KCNQ1OT1: variants seen among roughly 807,000 people sequenced by gnomAD.
The protein encoded by KCNQ1OT1 is KCNQ1 antisense RNA 2 (non-protein coding).
exon 1 of KCNQ1OT1, chr11:2,680,024 G>A: frequency 2.5e-6 from 1 of 396,420 alleles, no homozygotes; most frequent in South Asian, 1.4e-4. Context: ...CTCCCTAGTA[G>A]CTGGGACTAC....
chr11:2,681,714 C>A, exon 1 of KCNQ1OT1: 1 of 397,790 alleles, frequency 2.5e-6, no homozygotes, highest in Non-Finnish European at 4.4e-6. Context: ...GTGTCTGTTC[C>A]TCTATTCAGT....
Position 2,642,291 on chromosome 11 carries a change from C to T in KCNQ1OT1, n.57704G>A, listed in dbSNP as rs1849592400. On this transcript the variant is annotated non_coding_transcript_exon_variant, in exon 1 of 1. Transcript: ENST00000597346. The surrounding 1 kb of genome is among the most constrained non-coding windows in gnomAD (Gnocchi z 4.3). ...GTGTGTTCTTTTCAATTTCTTTCAT[C>T]AGACTTTTGTAGTTTTCCTTGTTAG... 2.5e-6 allele frequency: 1 copy of T among 398,166 alleles called. No homozygotes were observed. The highest frequency in any genetic ancestry group is 4.4e-6 in the Non-Finnish European group (1 of 225,868). The allele number at this position is 398,166 out of a possible 1,614,324, so 24.7% of individuals were successfully genotyped here.
chr11:2,681,748 A>G, exon 1 of KCNQ1OT1: 1 of 398,194 alleles, frequency 2.5e-6, no homozygotes, highest in Non-Finnish European at 4.4e-6. Context: ...ATCACACACC[A>G]GGGCACTGTG....
exon 1 of KCNQ1OT1, chr11:2,644,810 T>G: frequency 2.5e-6 from 1 of 398,702 alleles, no homozygotes; most frequent in Non-Finnish European, 4.4e-6. Flanking sequence ...TTTTTTCAGC[T>G]GTAAACAGCA....
chr11:2,686,199 C>T (rs1400891017), exon 1 of KCNQ1OT1: 2 of 398,702 alleles, frequency 5.0e-6, no homozygotes, highest in Admixed American at 4.4e-5. Flanking sequence ...CTGCCCAAAA[C>T]CCTGCTCCAA....
chr11:2,682,922 T>C lies in KCNQ1OT1; in HGVS notation n.17073A>G. On this transcript the variant is annotated non_coding_transcript_exon_variant, in exon 1 of 1. Coordinates refer to ENST00000597346, the Ensembl canonical transcript of KCNQ1OT1. This position sits in a 1 kb window ranked among gnomAD's most constrained non-coding sequence, Gnocchi z 5.8. ...CAGAAAATGGTGGCACCTGGAGAGGTGCTCAGGTCTGTGTGGAAGAAAGGA... is the reference window on the plus strand; with the variant it reads ...CAGAAAATGGTGGCACCTGGAGAGGCGCTCAGGTCTGTGTGGAAGAAAGGA... The C allele has an allele frequency of 5.0e-6, 2 of 398,494 alleles. No individual in the cohort carries two copies. Among genetic ancestry groups the C allele is most frequent in the Non-Finnish European group, 8.8e-6 (2 of 226,054 alleles). The allele number at this position is 398,494 out of a possible 1,614,324, so 24.7% of individuals were successfully genotyped here. A position where few individuals can be genotyped will look rare whatever the true frequency, so the allele number is the denominator to read the frequency against.
exon 1 of KCNQ1OT1, chr11:2,629,124 G>T: frequency 2.5e-6 from 1 of 397,892 alleles, no homozygotes. Flanking sequence ...CTATATCTGT[G>T]AAAAAAAGTC....
chr11:2,614,848 T>A, exon 1 of KCNQ1OT1: 1 of 398,522 alleles, frequency 2.5e-6, no homozygotes, highest in East Asian at 3.6e-5. Flanking sequence ...TTTGTTCTTT[T>A]TCAATATGAT....
At position 2,652,075 on chromosome 11, in the gene KCNQ1OT1, A is replaced by C. The variant is rs1300038233; in HGVS notation, n.47920T>G. 1 of 398,536 alleles carries C rather than the reference A, an allele frequency of 2.5e-6. No homozygotes were observed. Among genetic ancestry groups the C allele is most frequent in the African/African-American group, 2.1e-5 (1 of 48,624 alleles). The allele number at this position is 398,536 out of a possible 1,614,324, so 24.7% of individuals were successfully genotyped here. On this transcript the variant is annotated non_coding_transcript_exon_variant, in exon 1 of 1. Transcript: ENST00000597346. This position sits in a 1 kb window ranked among gnomAD's most constrained non-coding sequence, Gnocchi z 5.9. ...TGTCCAGGCTCCAATTTGAGAAGCT[A>C]TGGGGAGCCTCTCGGCCCCAGTTCT...
rs1187969769 is a variant in KCNQ1OT1 at position 2,652,250 on chromosome 11, A to G, written n.47745T>C. ...AATGAGGCCTGCAACTCATTTCCCC[A>G]TTAAACATTCTGAGAACATCTGCAC... On this transcript the variant is annotated non_coding_transcript_exon_variant, in exon 1 of 1. Coordinates refer to ENST00000597346, the Ensembl canonical transcript of KCNQ1OT1. The surrounding 1 kb of genome is among the most constrained non-coding windows in gnomAD (Gnocchi z 5.9). 5.0e-6 allele frequency: 2 copies of G among 398,518 alleles called. No homozygotes were observed. The highest frequency in any genetic ancestry group is 1.3e-4 in the South Asian group (1 of 7,862). 24.7% of individuals were successfully genotyped at this position (398,518 alleles called of 1,614,324 possible). A position where few individuals can be genotyped will look rare whatever the true frequency, so the allele number is the denominator to read the frequency against.
chr11:2,640,195 G>T, exon 1 of KCNQ1OT1: 1 of 391,368 alleles, frequency 2.6e-6, no homozygotes. Context: ...CTCACACTCA[G>T]TGGGCTGCAC....
chr11:2,652,604 C>T lies in KCNQ1OT1; in HGVS notation n.47391G>A, dbSNP rs2133844653. On this transcript the variant is annotated non_coding_transcript_exon_variant, in exon 1 of 1. Transcript: ENST00000597346. The surrounding 1 kb of genome is among the most constrained non-coding windows in gnomAD (Gnocchi z 5.9). Reference sequence around the variant, plus strand: ...GCTGCTCTTGCTGCCTGGAACCTTCCCCTGAAAATGTGTCTTGGGAGACCT... The same window carrying T: ...GCTGCTCTTGCTGCCTGGAACCTTCTCCTGAAAATGTGTCTTGGGAGACCT... 1 of 398,572 alleles carries T rather than the reference C, an allele frequency of 2.5e-6. No homozygotes were observed. The highest frequency in any genetic ancestry group is 4.4e-6 in the Non-Finnish European group (1 of 226,082). 24.7% of individuals were successfully genotyped at this position (398,572 alleles called of 1,614,324 possible).
chr11:2,680,656 C>T (rs1397415328), exon 1 of KCNQ1OT1: 2 of 398,476 alleles, frequency 5.0e-6, no homozygotes, highest in East Asian at 3.6e-5. Flanking sequence ...TTGATAGTCT[C>T]ACTACAGGAC....
At position 2,629,271 on chromosome 11, in the gene KCNQ1OT1, A is replaced by G. The variant is rs76281558; in HGVS notation, n.70724T>C. On this transcript the variant is annotated non_coding_transcript_exon_variant, in exon 1 of 1. Transcript: ENST00000597346. Reference sequence around the variant, plus strand: ...TTTGTATCATCTTAGAATTTGTTCAATGTTTCATAGTTTTCAGTGTCTAGG... The same window carrying G: ...TTTGTATCATCTTAGAATTTGTTCAGTGTTTCATAGTTTTCAGTGTCTAGG... 213 of 398,352 alleles carry G rather than the reference A, an allele frequency of 5.3e-4. 1 individual carries two copies. The East Asian group carries it at 7.2e-3, about 14-fold the overall frequency. 24.7% of individuals were successfully genotyped at this position (398,352 alleles called of 1,614,324 possible). A position where few individuals can be genotyped will look rare whatever the true frequency, so the allele number is the denominator to read the frequency against.
Position 2,699,581 on chromosome 11 carries a change from G to A in KCNQ1OT1, n.414C>T, listed in dbSNP as rs376052942. ...AGGAGAACCATGCTGAGGAGCCCCC[G>A]GGGAGAACAGAACCGCGGCGAGAGG... On this transcript the variant is annotated non_coding_transcript_exon_variant, in exon 1 of 1. Coordinates refer to ENST00000597346, the Ensembl canonical transcript of KCNQ1OT1. 5.7e-4 allele frequency: 138 copies of A among 240,900 alleles called. No individual in the cohort carries two copies. The highest frequency in any genetic ancestry group is 4.5e-3 in the East Asian group (68 of 15,272). 14.9% of individuals were successfully genotyped at this position (240,900 alleles called of 1,614,324 possible).
rs1589982267 is a variant in KCNQ1OT1 at position 2,614,479 on chromosome 11, ACT to A, written n.85514_85515del. Reference sequence around the variant, plus strand: ...TTCCAATCTCAAGTCATAAAGATTTACTCCTGTTTTCTACTAAGAAATTTATG... The same window carrying A: ...TTCCAATCTCAAGTCATAAAGATTTACCTGTTTTCTACTAAGAAATTTATG... On this transcript the variant is annotated non_coding_transcript_exon_variant, in exon 1 of 1. Coordinates refer to ENST00000597346, the Ensembl canonical transcript of KCNQ1OT1. The A allele has an allele frequency of 5.5e-5, 22 of 398,344 alleles. No homozygotes were observed. In the East Asian group the frequency reaches 7.8e-4, roughly 14 times the overall value. 24.7% of individuals were successfully genotyped at this position (398,344 alleles called of 1,614,324 possible).
At chr11:2,656,843 C>CT (rs1316897552) in exon 1 of KCNQ1OT1, 7 of 398,450 alleles carry the variant, frequency 1.8e-5, no homozygotes, top group Non-Finnish European at 3.1e-5. Context: ...TATAGTTATG[C>CT]TTTTCATAGT....
chr11:2,668,636 A>G lies in KCNQ1OT1; in HGVS notation n.31359T>C. Reference sequence around the variant, plus strand: ...TCTTCTGCCTGTTTTATGTTTATTTATGGTCCTATATATCTTTAGATATTC... The same window carrying G: ...TCTTCTGCCTGTTTTATGTTTATTTGTGGTCCTATATATCTTTAGATATTC... On this transcript the variant is annotated non_coding_transcript_exon_variant, in exon 1 of 1. Coordinates refer to ENST00000597346, the Ensembl canonical transcript of KCNQ1OT1. The surrounding 1 kb of genome is among the most constrained non-coding windows in gnomAD (Gnocchi z 4.3). 1 of 398,562 alleles carries G rather than the reference A, an allele frequency of 2.5e-6. No homozygotes were observed. The highest frequency in any genetic ancestry group is 4.4e-6 in the Non-Finnish European group (1 of 226,070). The allele number at this position is 398,562 out of a possible 1,614,324, so 24.7% of individuals were successfully genotyped here. A position where few individuals can be genotyped will look rare whatever the true frequency, so the allele number is the denominator to read the frequency against.
Position 2,671,717 on chromosome 11 carries a change from T to C in KCNQ1OT1, n.28278A>G. The C allele has an allele frequency of 2.5e-6, 1 of 398,688 alleles. No homozygotes were observed. Among genetic ancestry groups the C allele is most frequent in the Non-Finnish European group, 4.4e-6 (1 of 226,132 alleles). 24.7% of individuals were successfully genotyped at this position (398,688 alleles called of 1,614,324 possible). A position where few individuals can be genotyped will look rare whatever the true frequency, so the allele number is the denominator to read the frequency against. ...AGAGGGTACTTGGGAAGTAGGGTGG[T>C]AGGCAAGGCTTTTCAGAGAACAAGG... On this transcript the variant is annotated non_coding_transcript_exon_variant, in exon 1 of 1. Transcript: ENST00000597346. The surrounding 1 kb of genome is among the most constrained non-coding windows in gnomAD (Gnocchi z 4.7).
Sources: gnomAD v4.1 joint callset for allele counts on GRCh38, gnomAD v4.1.1 for gene constraint, Gnocchi (gnomAD v3.1) non-coding constraint, MANE v1.5 for transcripts, NCBI Gene and HGNC (gene_info 2026-07-23, HGNC 2026-07-21) for gene names.